Variants in SEC14L5 observed in about 807,000 individuals in gnomAD.
The protein encoded by SEC14L5 is SEC14-like protein 5.
Under a neutral mutation model 84.6 loss-of-function variants are expected in SEC14L5, and 96 were observed. The observed-to-expected ratio is 1.13, with a 90% CI of 0.96 to 1.34. The LOEUF (loss-of-function observed/expected upper bound fraction) is 1.34. Among genes scored for constraint, SEC14L5 ranks in the 40% most tolerant of loss-of-function variants. The pLI, the probability that SEC14L5 is intolerant of heterozygous loss-of-function variation, is 0.00. For synonymous variants in SEC14L5, 546 were observed against 383.4 expected (o/e 1.42, Z -4.95); for missense variants, 1,224 against 942.5 (o/e 1.30, Z -3.91).
At chr16:4,967,561 C>CATTTTTTTTTTTTT (rs1568104233) in intron 2 of SEC14L5, among the ~76,000 whole-genome samples, 1 of 86,272 alleles carries the variant, frequency 1.2e-5, no homozygotes. Flanking sequence ...TTCTTTCTTT[C>CATTTTTTTTTTTTT]GTTTTTTTTT....
intron 2 of SEC14L5, among the ~76,000 whole-genome samples, chr16:4,969,916 C>T (rs980894926): frequency 6.6e-6 from 1 of 151,686 alleles, no homozygotes; most frequent in Non-Finnish European, 1.5e-5. Context: ...CTTGCAGGCT[C>T]AAGCGATTGT....
chr16:4,982,312 A>G (rs549517566), intron 2 of SEC14L5, among the ~76,000 whole-genome samples: 1 of 152,220 alleles, frequency 6.6e-6, no homozygotes, highest in South Asian at 2.1e-4. Context: ...CTTGATCCCA[A>G]TTCCGGGGCA....
intron 11 of SEC14L5, among the ~76,000 whole-genome samples, chr16:5,004,752 T>C (rs1424407885): frequency 6.6e-6 from 1 of 152,224 alleles, no homozygotes; most frequent in Non-Finnish European, 1.5e-5. Context: ...TTATCTGCCA[T>C]GCCAAGGGCT....
At chr16:4,979,328 G>C (rs970038313) in intron 2 of SEC14L5, among the ~76,000 whole-genome samples, 1 of 152,182 alleles carries the variant, frequency 6.6e-6, no homozygotes, top group African/African-American at 2.4e-5. Context: ...CTGCAAGGGG[G>C]TCAAATTGCA....
chr16:5,003,458 C>T lies in SEC14L5; in HGVS notation c.1187C>T (p.Pro396Leu), dbSNP rs1005454231. The change falls in exon 11 of 16, where the codon CCG becomes CTG. Residue 396 changes from proline to leucine, a missense_variant. Physicochemically the swap from Pro to Leu is moderately conservative, Grantham distance 98 (BLOSUM62 -3). Coordinates refer to ENST00000251170, the MANE Select transcript of SEC14L5 (RefSeq NM_014692.2). ...CTCAACATGCGGCACCTGTGGCGGC[C>T]GGGGGTGAAGGCCCTGCTGCGGATG... is the stretch of plus-strand genomic sequence containing the variant. ...EGLNMRHLWR[P>L]GVKALLRMIE... The T allele has an allele frequency of 2.0e-5, 33 of 1,613,258 alleles. No individual in the cohort carries two copies. The highest frequency in any genetic ancestry group is 2.5e-5 in the Non-Finnish European group (30 of 1,179,654).
chr16:4,966,504 A>C (rs1955202084), intron 2 of SEC14L5, among the ~76,000 whole-genome samples: 1 of 146,930 alleles, frequency 6.8e-6, no homozygotes, highest in African/African-American at 2.5e-5. Context: ...GGAACTCCTG[A>C]CCTCAGGTAA....
chr16:5,013,098 C>G (rs114389635), intron 15 of SEC14L5, among the ~76,000 whole-genome samples: 2,376 of 95,386 alleles, frequency 0.025, 85 homozygotes, highest in African/African-American at 0.065. Flanking sequence ...CATTCACTAT[C>G]GCAAGAAGAC....
rs1213804582 is a variant in SEC14L5, at chr16:5,017,395, T to C, written c.*2425T>C. The C allele has an allele frequency of 6.6e-6, 1 of 152,288 alleles. No individual in the cohort carries two copies. Among genetic ancestry groups the C allele is most frequent in the East Asian group, 1.9e-4 (1 of 5,194 alleles). The allele number at this position is 152,288 out of a possible 1,614,324, so 9.4% of individuals were successfully genotyped here. On this transcript the variant is annotated 3_prime_UTR_variant, in exon 16 of 16. Coordinates refer to ENST00000251170, the MANE Select transcript of SEC14L5 (RefSeq NM_014692.2). ...TATGGCTGGATCCAGGAGCTTAATG[T>C]CCTCAGGCCTCTCAACTGCACCCAG...
chr16:4,972,510 T>C (rs1225950064), intron 2 of SEC14L5, among the ~76,000 whole-genome samples: 1 of 152,192 alleles, frequency 6.6e-6, no homozygotes, highest in Non-Finnish European at 1.5e-5. Context: ...CCACTGCTGC[T>C]ATTAACCACT....
intron 12 of SEC14L5, among the ~76,000 whole-genome samples, chr16:5,006,340 G>C (rs750149241): frequency 5.3e-5 from 8 of 152,186 alleles, no homozygotes; most frequent in Non-Finnish European, 1.0e-4. Flanking sequence ...AAAGGCTTAC[G>C]CATTCTATAT....
Position 5,014,925 on chromosome 16 carries a change from C to T in SEC14L5, c.2046C>T (p.Ser682=). Residue 682 remains serine (S), a synonymous_variant, in exon 16 of 16, where the codon TCC becomes TCT. Transcript: ENST00000251170. Reference sequence around the variant, plus strand: ...CCCAGCTCAGCGCCGCCACCTCGTCCTCCTCCTCCGGCCAGTCTCATAGCA... The same window carrying T: ...CCCAGCTCAGCGCCGCCACCTCGTCTTCCTCCTCCGGCCAGTCTCATAGCA... ...GFSQLSAATS[S]SSSGQSHSSS... The T allele has an allele frequency of 1.2e-6, 2 of 1,610,942 alleles. No individual in the cohort carries two copies. Among genetic ancestry groups the T allele is most frequent in the Non-Finnish European group, 1.7e-6 (2 of 1,178,790 alleles).
chr16:4,966,215 C>T (rs1396122758), intron 2 of SEC14L5, among the ~76,000 whole-genome samples: 1 of 151,256 alleles, frequency 6.6e-6, no homozygotes, highest in African/African-American at 2.4e-5. Flanking sequence ...ATCCGCCCTC[C>T]TCTGCCTCCC....
In SEC14L5 at chr16:5,000,742, A is replaced by C. The variant is rs1191901222; in HGVS notation, c.1058A>C (p.His353Pro). The C allele has an allele frequency of 6.4e-7, 1 of 1,553,372 alleles. No individual in the cohort carries two copies. Among genetic ancestry groups the C allele is most frequent in the Non-Finnish European group, 8.7e-7 (1 of 1,148,222 alleles). ...KAVGEEALLR[H>P]VLSVNEEGQK... is the part of the protein sequence containing the mutation. ...GTGGGGGAGGAGGCGCTGCTGCGGC[A>C]TGTGAGTCAGGGGCCTCGTTCCTGG... Residue 353 changes from histidine to proline, a missense_variant and splice_region_variant, in exon 9 of 16, where the codon CAT becomes CCT. Coordinates refer to ENST00000251170, the MANE Select transcript of SEC14L5 (RefSeq NM_014692.2).
chr16:4,990,655 A>G, intron 4 of SEC14L5, 112 bp from the exon 5 acceptor site: 3 of 1,096,366 alleles, frequency 2.7e-6, no homozygotes, highest in Non-Finnish European at 3.7e-6. Flanking sequence ...GCCAGGCTTG[A>G]TCTGCTTTCC....
intron 15 of SEC14L5, among the ~76,000 whole-genome samples, chr16:5,013,323 T>C (rs1003882622): frequency 3.3e-5 from 5 of 152,070 alleles, no homozygotes; most frequent in Non-Finnish European, 7.4e-5. Flanking sequence ...GGAAGTAATA[T>C]GGAACGTGAC....
Position 5,000,668 on chromosome 16 carries a change from C to G in SEC14L5, c.984C>G (p.Leu328=). The change falls in exon 9 of 16, where the codon CTC becomes CTG. Residue 328 remains leucine, a synonymous_variant. Coordinates refer to ENST00000251170, the MANE Select transcript of SEC14L5 (RefSeq NM_014692.2). ...WHYQDIDGRP[L]YILRLGQMDT... ...CCATCCACAAAGATGGCCGCCCCCT[C>G]TACATCCTCCGCCTGGGCCAGATGG... 6.4e-7 allele frequency: 1 copy of G among 1,551,638 alleles called. No individual in the cohort carries two copies. Among genetic ancestry groups the G allele is most frequent in the Non-Finnish European group, 8.7e-7 (1 of 1,147,172 alleles).
At chr16:5,000,540 C>G (rs1441145710) in intron 8 of SEC14L5, 115 bp from the exon 9 acceptor site, 3 of 747,080 alleles carry the variant, frequency 4.0e-6, no homozygotes, top group African/African-American at 3.5e-5. Flanking sequence ...CTGGATCGGG[C>G]CTTGGTGGGT....
At chr16:5,012,820 A>C (rs1194672878) in intron 15 of SEC14L5, among the ~76,000 whole-genome samples, 1 of 151,780 alleles carries the variant, frequency 6.6e-6, no homozygotes, top group African/African-American at 2.4e-5. Flanking sequence ...CCTTGAACCC[A>C]GGAGGTGGAG....
intron 14 of SEC14L5, 124 bp from the exon 15 acceptor site, chr16:5,010,971 A>G (rs993847634): frequency 3.4e-6 from 3 of 890,886 alleles, no homozygotes; most frequent in Admixed American, 5.5e-5. Flanking sequence ...TGGACTGGAG[A>G]AAGGGACAGA....
Sources: allele counts gnomAD v4.1 joint callset (sites outside exome capture counted in the v4.1 genomes callset), GRCh38; gene constraint gnomAD v4.1.1; transcripts MANE v1.5; gene names NCBI Gene and HGNC (gene_info 2026-07-23, HGNC 2026-07-21).